TSGA10IP: variants seen among roughly 807,000 people sequenced by gnomAD.
TSGA10IP encodes testis specific 10 interacting protein, also known as testis-specific protein 10-interacting protein.
A neutral mutation model predicts 63.2 loss-of-function variants in TSGA10IP; 64 were observed. That is an observed-to-expected ratio of 1.01 (90% CI 0.83 to 1.25). TSGA10IP has a LOEUF of 1.25. TSGA10IP is among the 50% of genes most tolerant of loss of function. TSGA10IP has a pLI of 0.00. For synonymous variants in TSGA10IP, 316 were observed against 298.3 expected (o/e 1.06, Z -0.61); for missense variants, 681 against 710.1 (o/e 0.96, Z 0.47).
At chr11:65,954,235 G>A (rs887145571) in intron 5 of TSGA10IP, among the ~76,000 whole-genome samples, 4 of 150,644 alleles carry the variant, frequency 2.7e-5, no homozygotes, top group Non-Finnish European at 5.9e-5. Flanking sequence ...GCGCGATCTC[G>A]GCTCACTGCA....
intron 4 of TSGA10IP, among the ~76,000 whole-genome samples, chr11:65,951,559 A>T (rs534492187): frequency 1.4e-3 from 52 of 36,116 alleles, no homozygotes; most frequent in African/African-American, 5.6e-3. Flanking sequence ...TTATTTTGAG[A>T]TGGAGTCTCG....
chr11:65,947,348 C>G (rs775673471), exon 3 of TSGA10IP: 8 of 1,611,706 alleles, frequency 5.0e-6, no homozygotes, highest in Non-Finnish European at 6.8e-6. Context: ...GAGACAGCAG[C>G]TGGGAGCCTG....
At chr11:65,945,785 T>G in exon 1 of TSGA10IP, 1 of 1,613,950 alleles carries the variant, frequency 6.2e-7, no homozygotes. Flanking sequence ...AGAACGGGGC[T>G]GCTCAAGCTG....
intron 4 of TSGA10IP, among the ~76,000 whole-genome samples, 175 bp downstream of exon 4, chr11:65,948,323 T>C (rs375802165): frequency 6.8e-6 from 1 of 147,608 alleles, no homozygotes; most frequent in African/African-American, 2.5e-5. Flanking sequence ...CATCCACCCA[T>C]CCATCCATCT....
chr11:65,946,820 T>G, intron 1 of TSGA10IP, 60 bp from the exon 2 acceptor site: 1 of 1,579,230 alleles, frequency 6.3e-7, no homozygotes, highest in Non-Finnish European at 8.6e-7. Flanking sequence ...CCGGGTGAGG[T>G]GCAACACAGT....
exon 1 of TSGA10IP, chr11:65,945,779 C>A: frequency 6.2e-7 from 1 of 1,613,978 alleles, no homozygotes; most frequent in Non-Finnish European, 8.5e-7. Context: ...GGAACCAGAA[C>A]GGGGCTGCTC....
intron 5 of TSGA10IP, among the ~76,000 whole-genome samples, chr11:65,956,978 G>GC (rs1460114182): frequency 1.3e-5 from 2 of 152,198 alleles, no homozygotes. Flanking sequence ...CAGTCTCTCA[G>GC]CCATTACAGC....
intron 5 of TSGA10IP, among the ~76,000 whole-genome samples, chr11:65,956,295 G>A (rs547511869): frequency 2.0e-5 from 3 of 151,216 alleles, no homozygotes; most frequent in African/African-American, 7.3e-5. Flanking sequence ...GCGCCTCCAC[G>A]CCCGGCTAAT....
intron 1 of TSGA10IP, among the ~76,000 whole-genome samples, chr11:65,946,055 C>T (rs894059072): frequency 7.9e-5 from 12 of 152,160 alleles, no homozygotes; most frequent in Admixed American, 6.6e-5. Context: ...GGGAACACTG[C>T]GGAAGGAGCA....
chr11:65,958,045 C>T (rs954918440), intron 5 of TSGA10IP, among the ~76,000 whole-genome samples: 2 of 152,200 alleles, frequency 1.3e-5, no homozygotes, highest in East Asian at 1.9e-4. Flanking sequence ...CCTAGACCTC[C>T]GAGGCTCAAG....
intron 5 of TSGA10IP, among the ~76,000 whole-genome samples, chr11:65,954,108 A>G (rs1262528770): frequency 1.3e-5 from 2 of 151,822 alleles, no homozygotes; most frequent in African/African-American, 4.8e-5. Context: ...GGAGACAACC[A>G]TTGTTCACAG....
In TSGA10IP at chr11:65,948,930, G is replaced by A. The variant is rs1356954252; in HGVS notation, c.1151+782G>A. Among the ~76,000 whole-genome samples, 3 of 152,120 alleles carry A rather than the reference G, an allele frequency of 2.0e-5. No homozygotes were observed. In the East Asian group the frequency reaches 5.8e-4, roughly 29 times the overall value. On this transcript the variant is annotated intron_variant, in intron 4 of 7. Coordinates refer to ENST00000532620, the Ensembl canonical transcript of TSGA10IP. ...GCGGAGGTTGCAGTGAGCTGAGATT[G>A]CAGCACTGCACTCCAGCCTGGGTGA...
At chr11:65,951,717 CT>C (rs1265993539) in intron 4 of TSGA10IP, among the ~76,000 whole-genome samples, 1 of 149,644 alleles carries the variant, frequency 6.7e-6, no homozygotes, top group Non-Finnish European at 1.5e-5. Context: ...TATTTTTTAA[CT>C]TTTTATTTGT....
chr11:65,959,825 G>C (rs1590628356), exon 8 of TSGA10IP: 1 of 1,561,872 alleles, frequency 6.4e-7, no homozygotes. Flanking sequence ...AGGAGCCACA[G>C]GTCAATGGGG....
At chr11:65,945,927 TC>T in intron 1 of TSGA10IP, 105 bp downstream of exon 1, 1 of 1,386,780 alleles carries the variant, frequency 7.2e-7, no homozygotes, top group Non-Finnish European at 9.8e-7. Flanking sequence ...TGAGCTGAGG[TC>T]CAGATGAAAC....
At position 65,945,519 on chromosome 11, in the gene TSGA10IP, C is replaced by A; in HGVS notation, c.-157C>A. The A allele has an allele frequency of 1.3e-6, 1 of 787,410 alleles. No homozygotes were observed. Among genetic ancestry groups the A allele is most frequent in the Non-Finnish European group, 2.0e-6 (1 of 502,506 alleles). 48.8% of individuals were successfully genotyped at this position (787,410 alleles called of 1,614,324 possible). On this transcript the variant is annotated 5_prime_UTR_variant, in exon 1 of 8. The change creates a new upstream start codon in the 5' untranslated region. Coordinates refer to ENST00000532620, the Ensembl canonical transcript of TSGA10IP. ...CTGCGCTAAATGACTCCTGGGCATC[C>A]TGCTGAACTCTCTCCCAGAAGGAGA...
exon 3 of TSGA10IP, chr11:65,947,425 G>T (rs1272109977): frequency 6.2e-7 from 1 of 1,613,602 alleles, no homozygotes; most frequent in East Asian, 2.2e-5. Context: ...GTCTCCAGCT[G>T]CCTGGGAGGA....
In TSGA10IP at chr11:65,945,735, G is replaced by A. The variant is rs186282504; in HGVS notation, c.60G>A (p.Val20=). ...AACAGTTGGTTAGGACCCCGTCGGTGCGACCAGGGCAGGACGTGCGGCTCC... is the reference window on the plus strand; with the variant it reads ...AACAGTTGGTTAGGACCCCGTCGGTACGACCAGGGCAGGACGTGCGGCTCC... The change falls in exon 1 of 8, where the codon GTG becomes GTA. Residue 20 remains valine, a synonymous_variant. Coordinates refer to ENST00000532620, the Ensembl canonical transcript of TSGA10IP. 6.6e-5 allele frequency: 107 copies of A among 1,610,788 alleles called. No individual in the cohort carries two copies. In the African/African-American group the frequency reaches 1.1e-3, roughly 17 times the overall value.
intron 1 of TSGA10IP, 49 bp downstream of exon 1, chr11:65,945,871 G>A (rs1286104089): frequency 1.9e-6 from 3 of 1,596,140 alleles, no homozygotes; most frequent in Admixed American, 1.7e-5. Flanking sequence ...AGCCAGGTGG[G>A]TCAGGGAGGC....
Sources: allele counts gnomAD v4.1 joint callset (sites outside exome capture counted in the v4.1 genomes callset), GRCh38; gene constraint gnomAD v4.1.1; transcripts MANE v1.5; gene names NCBI Gene and HGNC (gene_info 2026-07-23, HGNC 2026-07-21).